FHIT: variants seen among roughly 807,000 people sequenced by gnomAD.
FHIT encodes bis(5'-adenosyl)-triphosphatase.
In FHIT, 19 loss-of-function variants were observed where a neutral mutation model predicts 17.9. That is an observed-to-expected ratio of 1.06 (90% CI 0.74 to 1.56). FHIT has a LOEUF of 1.56. FHIT is among the 40% of genes most tolerant of loss of function. The pLI is 0.00. For synonymous variants in FHIT, 81 were observed against 69.7 expected (o/e 1.16, Z -0.81); for missense variants, 248 against 189.2 (o/e 1.31, Z -1.82).
At chr3:61,107,842 G>T (rs1474675097) in intron 2 of FHIT, among the ~76,000 whole-genome samples, 2 of 152,224 alleles carry the variant, frequency 1.3e-5, no homozygotes, top group Non-Finnish European at 2.9e-5. Context: ...TACAGAAACA[G>T]CTGGATTGGT....
chr3:60,378,875 G>A (rs1700688148), intron 5 of FHIT, among the ~76,000 whole-genome samples: 1 of 152,084 alleles, frequency 6.6e-6, no homozygotes, highest in South Asian at 2.1e-4. Context: ...AAAGTAAGGT[G>A]AAAAAAGATC....
intron 7 of FHIT, among the ~76,000 whole-genome samples, chr3:59,954,833 C>T (rs1413198148): frequency 1.3e-5 from 2 of 152,062 alleles, no homozygotes; most frequent in Non-Finnish European, 2.9e-5. Flanking sequence ...AACGAAGAAA[C>T]CAAAAACCCA....
chr3:60,742,800 T>C (rs1163361805), intron 4 of FHIT, among the ~76,000 whole-genome samples: 1 of 152,208 alleles, frequency 6.6e-6, no homozygotes, highest in East Asian at 1.9e-4. Flanking sequence ...TCTGTAGCGC[T>C]TAAGGATATC....
At chr3:60,159,055 G>A (rs1249192731) in intron 5 of FHIT, among the ~76,000 whole-genome samples, 2 of 152,046 alleles carry the variant, frequency 1.3e-5, no homozygotes, top group Non-Finnish European at 2.9e-5. Flanking sequence ...ACCCCCCAAG[G>A]AGCCTCTTTA....
chr3:60,083,899 A>C (rs953625630), intron 5 of FHIT, among the ~76,000 whole-genome samples: 2 of 152,194 alleles, frequency 1.3e-5, no homozygotes, highest in African/African-American at 2.4e-5. Context: ...AGCTGCTAAT[A>C]ATAACAAGGC....
At chr3:60,331,279 AT>A (rs201517932) in intron 5 of FHIT, among the ~76,000 whole-genome samples, 13 of 151,028 alleles carry the variant, frequency 8.6e-5, no homozygotes, top group African/African-American at 2.2e-4. Flanking sequence ...CCCTTTCCTG[AT>A]TTTTTTTTCC....
chr3:60,026,691 A>C (rs1183790343), intron 5 of FHIT, among the ~76,000 whole-genome samples: 2 of 152,236 alleles, frequency 1.3e-5, no homozygotes, highest in Non-Finnish European at 2.9e-5. Context: ...ACAATGGAAA[A>C]ATATTGTAAA....
chr3:60,273,059 G>A (rs1424616482), intron 5 of FHIT, among the ~76,000 whole-genome samples: 1 of 152,126 alleles, frequency 6.6e-6, no homozygotes, highest in Non-Finnish European at 1.5e-5. Flanking sequence ...TATCAGACCT[G>A]GTTTCTTACA....
At chr3:61,103,214 C>A (rs2035886239) in intron 2 of FHIT, among the ~76,000 whole-genome samples, 1 of 152,242 alleles carries the variant, frequency 6.6e-6, no homozygotes, top group Non-Finnish European at 1.5e-5. Flanking sequence ...TCACTCTACA[C>A]ACTGCTTTAA....
chr3:60,024,016 C>T (rs2106747379), intron 5 of FHIT, among the ~76,000 whole-genome samples: 1 of 151,400 alleles, frequency 6.6e-6, no homozygotes, highest in Admixed American at 6.6e-5. Flanking sequence ...TTATGAATTC[C>T]TAATACAAAT....
chr3:60,079,868 A>T (rs1355323069), intron 5 of FHIT, among the ~76,000 whole-genome samples: 1 of 152,122 alleles, frequency 6.6e-6, no homozygotes, highest in Non-Finnish European at 1.5e-5. Flanking sequence ...TCAGATCTGA[A>T]AAAAATAATG....
intron 5 of FHIT, among the ~76,000 whole-genome samples, chr3:60,501,069 G>A (rs2107523697): frequency 6.6e-6 from 1 of 152,296 alleles, no homozygotes; most frequent in East Asian, 1.9e-4. Flanking sequence ...CTGAATTGAA[G>A]TGAACTTGAC....
intron 2 of FHIT, among the ~76,000 whole-genome samples, chr3:61,100,089 C>A (rs556566126): frequency 6.6e-6 from 1 of 151,834 alleles, no homozygotes; most frequent in Non-Finnish European, 1.5e-5. Context: ...ATTTTAAGTT[C>A]TAGGGTACAT....
intron 1 of FHIT, among the ~76,000 whole-genome samples, chr3:61,235,282 C>A (rs538817239): frequency 6.6e-6 from 1 of 152,094 alleles, no homozygotes; most frequent in Non-Finnish European, 1.5e-5. Flanking sequence ...GTCCTTGAGC[C>A]CTTGTTTAAC....
intron 4 of FHIT, among the ~76,000 whole-genome samples, chr3:60,575,391 T>G (rs1486517343): frequency 6.6e-6 from 1 of 152,122 alleles, no homozygotes; most frequent in Non-Finnish European, 1.5e-5. Context: ...TTTTCTTTTG[T>G]CTAAACATTA....
At chr3:60,708,695 C>T (rs2107928100) in intron 4 of FHIT, among the ~76,000 whole-genome samples, 1 of 152,222 alleles carries the variant, frequency 6.6e-6, no homozygotes, top group East Asian at 1.9e-4. Context: ...GAGGACATAC[C>T]ACTTTTAATC....
intron 8 of FHIT, among the ~76,000 whole-genome samples, chr3:59,852,117 C>T (rs372499358): frequency 2.6e-5 from 4 of 152,116 alleles, no homozygotes; most frequent in East Asian, 3.9e-4. Flanking sequence ...GTTCTGTTCT[C>T]CAGCATATGG....
intron 2 of FHIT, among the ~76,000 whole-genome samples, chr3:61,172,698 A>G (rs986832771): frequency 8.0e-4 from 114 of 143,362 alleles, no homozygotes; most frequent in African/African-American, 2.8e-3. Flanking sequence ...TCTGTGAGTT[A>G]CAGATCTGAG....
rs545570805 is a variant in FHIT, at chr3:61,026,521, C to T, written c.-111+15526G>A. On this transcript the variant is annotated intron_variant, in intron 3 of 9. Coordinates refer to ENST00000492590, the MANE Select transcript of FHIT (RefSeq NM_002012.4). ...GCCAGCCTTACCTGATCATAGAAAT[C>T]TTAAGATTTATAAAATACTTTAAAG... Among the ~76,000 whole-genome samples, 10 of 152,322 alleles carry T rather than the reference C, an allele frequency of 6.6e-5. No individual in the cohort carries two copies. The South Asian group carries it at 2.1e-3, about 32-fold the overall frequency.
Sources: gnomAD v4.1 joint callset for allele counts (sites outside exome capture counted in the v4.1 genomes callset) on GRCh38, gnomAD v4.1.1 for gene constraint, MANE v1.5 for transcripts, NCBI Gene and HGNC (gene_info 2026-07-23, HGNC 2026-07-21) for gene names.